The following AGBL4 variants were observed in gnomAD, a reference collection of about 807,000 sequenced individuals.
AGBL4 encodes cytosolic carboxypeptidase 6.
Under a neutral mutation model 66.4 loss-of-function variants are expected in AGBL4, and 58 were observed. The observed-to-expected ratio is 0.87, with a 90% confidence interval of 0.71 to 1.09. The LOEUF is 1.09. Ranked by LOEUF, AGBL4 falls within the 50% of genes least tolerant of loss-of-function variation. AGBL4 has a pLI of 0.00. For missense variants in AGBL4, 579 were observed against 631.0 expected, an observed-to-expected ratio of 0.92 and a Z score of 0.88; for synonymous variants, 234 against 222.9, an observed-to-expected ratio of 1.05 and a Z score of -0.44.
intron 9 of AGBL4, among the ~76,000 whole-genome samples, chr1:48,592,591 A>G (rs1395329493): frequency 6.6e-6 from 1 of 152,136 alleles, no homozygotes; most frequent in Non-Finnish European, 1.5e-5. Flanking sequence ...CATCTTCACA[A>G]TTTTATTTTC....
chr1:49,561,070 A>G (rs974267000), intron 3 of AGBL4, among the ~76,000 whole-genome samples: 7 of 152,092 alleles, frequency 4.6e-5, no homozygotes, highest in Non-Finnish European at 7.4e-5. Flanking sequence ...CTATAACAAC[A>G]TAACTATGGT....
At chr1:49,040,745 T>A (rs1643917263) in intron 5 of AGBL4, among the ~76,000 whole-genome samples, 2 of 152,104 alleles carry the variant, frequency 1.3e-5, no homozygotes. Context: ...ATTTATGGTG[T>A]CAGCAGATCG....
chr1:49,712,961 A>T (rs1401788415), intron 2 of AGBL4, among the ~76,000 whole-genome samples: 1 of 152,078 alleles, frequency 6.6e-6, no homozygotes. Context: ...ATTCAATAAC[A>T]TTAACTATTA....
intron 8 of AGBL4, among the ~76,000 whole-genome samples, chr1:48,642,273 CT>C (rs1425094338): frequency 5.3e-5 from 8 of 152,176 alleles, no homozygotes; most frequent in African/African-American, 1.9e-4. Context: ...TAATGGTGGC[CT>C]TTTCGGCAAG....
chr1:48,890,067 G>C (rs1216584612), intron 5 of AGBL4, among the ~76,000 whole-genome samples: 3 of 151,966 alleles, frequency 2.0e-5, no homozygotes, highest in East Asian at 3.9e-4. Flanking sequence ...CCTATTGACA[G>C]AGCTGGGTTG....
At chr1:48,927,066 C>T (rs1005151332) in intron 5 of AGBL4, among the ~76,000 whole-genome samples, 1 of 152,016 alleles carries the variant, frequency 6.6e-6, no homozygotes, top group Admixed American at 6.6e-5. Context: ...CCTGGTCCAT[C>T]TTAGAACAGT....
At chr1:49,103,072 A>G (rs1027592286) in intron 4 of AGBL4, among the ~76,000 whole-genome samples, 7 of 152,122 alleles carry the variant, frequency 4.6e-5, no homozygotes, top group Non-Finnish European at 8.8e-5. Context: ...TGCATAAACC[A>G]CTTCCCTGGT....
At chr1:49,319,924 ATTTC>A (rs1028874411) in intron 3 of AGBL4, among the ~76,000 whole-genome samples, 2 of 152,000 alleles carry the variant, frequency 1.3e-5, no homozygotes, top group African/African-American at 2.4e-5. Context: ...TGGTAATTAA[ATTTC>A]TTTCTTTCTA....
chr1:49,085,696 G>A (rs1644894224), intron 4 of AGBL4, among the ~76,000 whole-genome samples: 3 of 152,008 alleles, frequency 2.0e-5, no homozygotes, highest in Admixed American at 2.0e-4. Context: ...GCTCAGTGCT[G>A]AGGCAGAAAA....
chr1:48,675,902 C>A (rs1286120787), intron 6 of AGBL4, among the ~76,000 whole-genome samples: 1 of 152,220 alleles, frequency 6.6e-6, no homozygotes, highest in Non-Finnish European at 1.5e-5. Flanking sequence ...TAGGCCATGC[C>A]ATCACCAGCG....
At chr1:48,898,155 G>T (rs983016923) in intron 5 of AGBL4, among the ~76,000 whole-genome samples, 1 of 151,942 alleles carries the variant, frequency 6.6e-6, no homozygotes, top group African/African-American at 2.4e-5. Context: ...TTGTTTGTTT[G>T]TTTTGTTTTT....
intron 3 of AGBL4, among the ~76,000 whole-genome samples, chr1:49,448,628 G>A (rs953182003): frequency 2.0e-5 from 3 of 152,074 alleles, no homozygotes; most frequent in Admixed American, 6.6e-5. Flanking sequence ...AGAACCACAC[G>A]GCATGAGCAA....
intron 4 of AGBL4, among the ~76,000 whole-genome samples, chr1:49,214,637 GA>G (rs1299243391): frequency 2.0e-5 from 3 of 152,116 alleles, no homozygotes; most frequent in African/African-American, 7.2e-5. Flanking sequence ...GGCTCTCCAT[GA>G]CCATGCAAAT....
At chr1:48,610,014 T>G (rs991296710) in intron 9 of AGBL4, among the ~76,000 whole-genome samples, 1 of 152,212 alleles carries the variant, frequency 6.6e-6, no homozygotes, top group African/African-American at 2.4e-5. Context: ...ACTAGCTGCA[T>G]CATTTGGGGC....
chr1:49,109,725 A>T (rs1457617838), intron 4 of AGBL4, among the ~76,000 whole-genome samples: 1 of 152,084 alleles, frequency 6.6e-6, no homozygotes, highest in Non-Finnish European at 1.5e-5. Flanking sequence ...GACTAATCTT[A>T]ATTTACCTAC....
At chr1:48,737,289 G>GAAAAAAGA (rs1649225313) in intron 6 of AGBL4, among the ~76,000 whole-genome samples, 1 of 150,964 alleles carries the variant, frequency 6.6e-6, no homozygotes, top group Non-Finnish European at 1.5e-5. Context: ...GTCTCAAAAA[G>GAAAAAAGA]AAAAAAGAAA....
At chr1:48,900,569 A>G (rs1651986755) in intron 5 of AGBL4, among the ~76,000 whole-genome samples, 1 of 152,242 alleles carries the variant, frequency 6.6e-6, no homozygotes, top group African/African-American at 2.4e-5. Context: ...GAGTCCAGAA[A>G]TAGACCCACA....
rs538469403 is a variant in AGBL4, at chr1:49,384,697, C to A, written c.283-138833G>T. Among the ~76,000 whole-genome samples, 36 of 152,206 alleles carry A rather than the reference C, an allele frequency of 2.4e-4. 2 individuals carry two copies. In the South Asian group the frequency reaches 7.3e-3, roughly 31 times the overall value. ...AGAAATGCAAGTCAAAACCACAATA[C>A]CTATCATTTCATAATCCTTAAGATG... On this transcript the variant is annotated intron_variant, in intron 3 of 13. Transcript: ENST00000371839.
At chr1:49,564,515 C>T (rs947748785) in intron 3 of AGBL4, among the ~76,000 whole-genome samples, 2 of 152,092 alleles carry the variant, frequency 1.3e-5, no homozygotes, top group African/African-American at 4.8e-5. Context: ...TGTCTTTCTT[C>T]TCGTTGGTTT....
Sources: allele counts gnomAD v4.1 joint callset (sites outside exome capture counted in the v4.1 genomes callset), GRCh38; gene constraint gnomAD v4.1.1; transcripts MANE v1.5; gene names NCBI Gene and HGNC (gene_info 2026-07-23, HGNC 2026-07-21).